The following NTM variants were observed in gnomAD, a reference collection of about 807,000 sequenced individuals.
The protein encoded by NTM is IgLON family member 2.
NTM carries 13 observed loss-of-function variants against 42.1 expected under a neutral mutation model. The ratio of observed to expected loss-of-function variants is 0.31; its 90% CI spans 0.20 to 0.49. The LOEUF (loss-of-function observed/expected upper bound fraction) is 0.49, where lower values mean the gene tolerates loss of function less well. Among genes scored for constraint, NTM ranks in the 20% least tolerant of loss-of-function variants. The pLI is 0.99. For synonymous variants in NTM, 187 were observed against 179.2 expected (o/e 1.04, Z -0.35); for missense variants, 373 against 452.8 (o/e 0.82, Z 1.60).
chr11:131,945,928 C>T (rs373596393), intron 2 of NTM, among the ~76,000 whole-genome samples: 4 of 152,266 alleles, frequency 2.6e-5, no homozygotes, highest in South Asian at 2.1e-4. Flanking sequence ...CCAGTGCAGG[C>T]GGATAGTATA....
At chr11:131,759,898 A>G (rs1276612069) in intron 1 of NTM, among the ~76,000 whole-genome samples, 1 of 152,098 alleles carries the variant, frequency 6.6e-6, no homozygotes, top group African/African-American at 2.4e-5. Flanking sequence ...TATTCTTCAC[A>G]GGAGGGAGAG....
At chr11:131,918,356 C>T (rs532467557) in intron 2 of NTM, among the ~76,000 whole-genome samples, 1 of 152,292 alleles carries the variant, frequency 6.6e-6, no homozygotes, top group South Asian at 2.1e-4. Context: ...TTAGTCCGTA[C>T]CACACCTTGC....
intron 2 of NTM, among the ~76,000 whole-genome samples, chr11:132,111,413 C>G (rs1477974830): frequency 1.3e-5 from 2 of 152,076 alleles, no homozygotes; most frequent in African/African-American, 4.8e-5. Context: ...AAATTTTCAG[C>G]ACAAGATAAG....
chr11:131,578,728 G>T (rs2058142915), intron 1 of NTM, among the ~76,000 whole-genome samples: 1 of 152,098 alleles, frequency 6.6e-6, no homozygotes, highest in Non-Finnish European at 1.5e-5. Flanking sequence ...GACTATATTT[G>T]TAACTATCTC....
At chr11:131,715,133 C>A (rs907791996) in intron 1 of NTM, among the ~76,000 whole-genome samples, 4 of 152,124 alleles carry the variant, frequency 2.6e-5, no homozygotes, top group African/African-American at 9.7e-5. Flanking sequence ...TAGATGGGGG[C>A]CAGGCCACCT....
chr11:131,521,383 C>CTTTTTTTTTTTTTTTTTTTTTT lies in NTM; in HGVS notation c.82+150513_82+150534dup, dbSNP rs773233050. On this transcript the variant is annotated intron_variant, in intron 1 of 8. Coordinates refer to ENST00000683400, the MANE Select transcript of NTM (RefSeq NM_001352005.2). ...AATGCAGAAGAAGCAAGGTGCCAGT[C>CTTTTTTTTTTTTTTTTTTTTTT]TTTTTTTTTTTTTTTTTTTTTTTTT... is the stretch of plus-strand genomic sequence containing the variant. Among the ~76,000 whole-genome samples, 2 of 45,720 alleles carry CTTTTTTTTTTTTTTTTTTTTTT rather than the reference C, an allele frequency of 4.4e-5. 1 individual carries two copies. Among genetic ancestry groups the CTTTTTTTTTTTTTTTTTTTTTT allele is most frequent in the Non-Finnish European group, 7.8e-5 (2 of 25,550 alleles). The allele number at this position is 45,720 out of a possible 152,430, so 30.0% of individuals were successfully genotyped here.
chr11:131,530,344 G>A (rs1282716701), intron 1 of NTM, among the ~76,000 whole-genome samples: 2 of 150,152 alleles, frequency 1.3e-5, no homozygotes, highest in Non-Finnish European at 2.9e-5. Context: ...TGAGAATGTT[G>A]AGCATATGAG....
intron 4 of NTM, among the ~76,000 whole-genome samples, chr11:132,260,329 T>C (rs756321040): frequency 6.6e-6 from 1 of 152,060 alleles, no homozygotes; most frequent in Non-Finnish European, 1.5e-5. Context: ...CACAGCTAAT[T>C]AGTAGCAAAA....
chr11:131,751,293 A>AATAT (rs1176297449), intron 1 of NTM, among the ~76,000 whole-genome samples: 1 of 151,876 alleles, frequency 6.6e-6, no homozygotes, highest in Non-Finnish European at 1.5e-5. Context: ...TAAATAAATA[A>AATAT]ATAAATAAAA....
At chr11:131,986,462 G>A (rs1199394979) in intron 2 of NTM, among the ~76,000 whole-genome samples, 7 of 152,072 alleles carry the variant, frequency 4.6e-5, no homozygotes, top group Admixed American at 6.5e-5. Context: ...TGACTATCAC[G>A]TTTGCTTCTT....
At chr11:132,210,520 A>C (rs1039460102) in intron 3 of NTM, among the ~76,000 whole-genome samples, 1 of 152,214 alleles carries the variant, frequency 6.6e-6, no homozygotes, top group Admixed American at 6.5e-5. Flanking sequence ...TAAGCACATA[A>C]CCATAGCATA....
At chr11:131,925,650 G>T (rs1449337184) in intron 2 of NTM, among the ~76,000 whole-genome samples, 1 of 152,138 alleles carries the variant, frequency 6.6e-6, no homozygotes, top group East Asian at 1.9e-4. Flanking sequence ...CTGCCAAAGT[G>T]CTGGGATTAC....
intron 4 of NTM, among the ~76,000 whole-genome samples, chr11:132,294,495 C>G (rs118053456): frequency 6.6e-6 from 1 of 152,050 alleles, no homozygotes. Flanking sequence ...AGTTTTTTCA[C>G]GCCAAGATCC....
At chr11:132,169,320 C>CTTTTTTTTTTTTTCTTTTTT (rs2075781760) in intron 3 of NTM, among the ~76,000 whole-genome samples, 1 of 32,358 alleles carries the variant, frequency 3.1e-5, no homozygotes, top group Non-Finnish European at 5.4e-5. Context: ...AATTTTTTTA[C>CTTTTTTTTTTTTTCTTTTTT]TTTTTTTTTT....
chr11:131,947,272 C>T (rs975900839), intron 2 of NTM, among the ~76,000 whole-genome samples: 5 of 152,228 alleles, frequency 3.3e-5, no homozygotes, highest in African/African-American at 1.2e-4. Flanking sequence ...ACATTGTGTT[C>T]TCCGTACCTG....
chr11:132,178,623 G>T (rs2077144901), intron 3 of NTM, among the ~76,000 whole-genome samples: 1 of 152,136 alleles, frequency 6.6e-6, no homozygotes, highest in Admixed American at 6.5e-5. Context: ...TATAAAATAT[G>T]ACCTGGACAA....
chr11:131,853,930 A>G (rs1378334463), intron 1 of NTM, among the ~76,000 whole-genome samples: 2 of 151,918 alleles, frequency 1.3e-5, no homozygotes, highest in Non-Finnish European at 2.9e-5. Flanking sequence ...TGAGTTATAC[A>G]CTCCTATTTT....
At chr11:131,553,047 A>G (rs140731934) in intron 1 of NTM, among the ~76,000 whole-genome samples, 1 of 152,190 alleles carries the variant, frequency 6.6e-6, no homozygotes, top group Non-Finnish European at 1.5e-5. Context: ...TTAAACTCTT[A>G]TGTTCAGGAA....
At chr11:131,776,019 A>G (rs2086910478) in intron 1 of NTM, among the ~76,000 whole-genome samples, 1 of 152,198 alleles carries the variant, frequency 6.6e-6, no homozygotes, top group Non-Finnish European at 1.5e-5. Flanking sequence ...TCCTGGAACA[A>G]CTGTGGGGCC....
Sources: gnomAD v4.1 joint callset for allele counts (sites outside exome capture counted in the v4.1 genomes callset) on GRCh38, gnomAD v4.1.1 for gene constraint, MANE v1.5 for transcripts, NCBI Gene and HGNC (gene_info 2026-07-23, HGNC 2026-07-21) for gene names.